CNNM2: variants seen among roughly 807,000 people sequenced by gnomAD.
CNNM2 encodes cyclin and CBS domain divalent metal cation transport mediator 2.
A neutral mutation model predicts 66.9 loss-of-function variants in CNNM2; 12 were observed. The observed-to-expected ratio is 0.18, with a 90% CI of 0.11 to 0.29. The LOEUF (loss-of-function observed/expected upper bound fraction) is 0.29. CNNM2 is among the 10% of genes least tolerant of loss of function. The pLI, the probability that CNNM2 is intolerant of heterozygous loss-of-function variation, is 1.00. For missense variants in CNNM2, 705 were observed against 1,167.7 expected, an observed-to-expected ratio of 0.60 and a Z score of 5.77; for synonymous variants, 557 against 501.8, an observed-to-expected ratio of 1.11 and a Z score of -1.47.
intron 1 of CNNM2, among the ~76,000 whole-genome samples, chr10:102,937,810 A>G (rs1846293887): frequency 6.6e-6 from 1 of 150,740 alleles, no homozygotes; most frequent in Admixed American, 6.6e-5. Flanking sequence ...TTTTTGGTAG[A>G]GACAGGCTCT....
At chr10:103,004,695 G>A (rs1161508059) in intron 1 of CNNM2, among the ~76,000 whole-genome samples, 1 of 152,222 alleles carries the variant, frequency 6.6e-6, no homozygotes. Context: ...CAAAGTTACT[G>A]TCTCAGTTTA....
At chr10:103,070,431 A>C (rs974936100) in intron 5 of CNNM2, among the ~76,000 whole-genome samples, 10 of 152,304 alleles carry the variant, frequency 6.6e-5, no homozygotes, top group African/African-American at 2.4e-4. Context: ...GTCCCCTTGA[A>C]AGCATGAGGG....
intron 1 of CNNM2, among the ~76,000 whole-genome samples, chr10:102,964,509 A>G (rs921256061): frequency 6.6e-6 from 1 of 152,176 alleles, no homozygotes; most frequent in Non-Finnish European, 1.5e-5. Context: ...GGTCACACTC[A>G]TGAGCCACTG....
chr10:102,968,095 T>G (rs114628031), intron 1 of CNNM2, among the ~76,000 whole-genome samples: 134 of 148,274 alleles, frequency 9.0e-4, no homozygotes, highest in African/African-American at 3.2e-3. Context: ...AGAGTGAAGT[T>G]TCTGGGTCAT....
chr10:102,951,655 T>A (rs896831865), intron 1 of CNNM2, among the ~76,000 whole-genome samples: 1 of 151,276 alleles, frequency 6.6e-6, no homozygotes, highest in Non-Finnish European at 1.5e-5. Context: ...TTTTTTTTTT[T>A]ACAGACAAGG....
At chr10:102,938,106 C>G in intron 1 of CNNM2, among the ~76,000 whole-genome samples, 1 of 151,554 alleles carries the variant, frequency 6.6e-6, no homozygotes, top group South Asian at 2.1e-4. Flanking sequence ...TGAGACCAGC[C>G]TGGGCAACAT....
intron 1 of CNNM2, among the ~76,000 whole-genome samples, chr10:102,997,578 T>C (rs1250683085): frequency 6.6e-6 from 1 of 152,134 alleles, no homozygotes; most frequent in African/African-American, 2.4e-5. Flanking sequence ...GTCTAAAATG[T>C]GGAAGTCACA....
intron 1 of CNNM2, among the ~76,000 whole-genome samples, chr10:103,010,861 C>T (rs566520258): frequency 3.9e-5 from 6 of 152,168 alleles, no homozygotes; most frequent in Non-Finnish European, 8.8e-5. Context: ...GATCCACTCC[C>T]CCCAGCCTCC....
chr10:102,960,498 A>G (rs765434805), intron 1 of CNNM2, among the ~76,000 whole-genome samples: 5 of 152,188 alleles, frequency 3.3e-5, no homozygotes, highest in Admixed American at 6.6e-5. Flanking sequence ...ACATTTTGAC[A>G]TATCTTTTTT....
intron 1 of CNNM2, among the ~76,000 whole-genome samples, chr10:102,964,502 C>G (rs1203872153): frequency 2.0e-5 from 3 of 152,142 alleles, no homozygotes; most frequent in African/African-American, 7.2e-5. Context: ...GAGCTGGGGT[C>G]ACACTCATGA....
chr10:103,054,941 G>T lies in CNNM2; in HGVS notation c.1903+475G>T, dbSNP rs961457091. Among the ~76,000 whole-genome samples the T allele has an allele frequency of 3.3e-5, 5 of 152,196 alleles. No individual in the cohort carries two copies. Among genetic ancestry groups the T allele is most frequent in the Non-Finnish European group, 7.3e-5 (5 of 68,040 alleles). Reference sequence around the variant, plus strand: ...TAACACAGGGGCTGTGATTTGCAAAGAAGAAAACTAGGTTTTCACAATTAA... The same window carrying T: ...TAACACAGGGGCTGTGATTTGCAAATAAGAAAACTAGGTTTTCACAATTAA... On this transcript the variant is annotated intron_variant, in intron 3 of 7. Coordinates refer to ENST00000369878, the MANE Select transcript of CNNM2 (RefSeq NM_017649.5). This position sits in a 1 kb window ranked among gnomAD's most constrained non-coding sequence, Gnocchi z 5.2.
rs1003754542 is a variant in CNNM2, at chr10:103,079,088, G to A, written c.*1908G>A. On this transcript the variant is annotated 3_prime_UTR_variant, in exon 8 of 8. Coordinates refer to ENST00000369878, the MANE Select transcript of CNNM2 (RefSeq NM_017649.5). ...TACTGGCACGCAACCTGCCCCCGTG[G>A]GATGAAGCCCCACCGCGTAGCTTGA... 1.3e-5 allele frequency: 2 copies of A among 152,220 alleles called. No homozygotes were observed. Among genetic ancestry groups the A allele is most frequent in the Non-Finnish European group, 2.9e-5 (2 of 68,086 alleles). 9.4% of individuals were successfully genotyped at this position (152,220 alleles called of 1,614,324 possible).
chr10:103,071,954 T>C, intron 6 of CNNM2, 115 bp downstream of exon 6: 1 of 911,436 alleles, frequency 1.1e-6, no homozygotes, highest in East Asian at 2.4e-5. Context: ...CAGTGTTCCT[T>C]GGAGCGCTAA....
chr10:103,086,158 G>C lies in CNNM2; in HGVS notation c.*8978G>C, dbSNP rs1282431926. 2 of 152,152 alleles carry C rather than the reference G, an allele frequency of 1.3e-5. No individual in the cohort carries two copies. Among genetic ancestry groups the C allele is most frequent in the Non-Finnish European group, 2.9e-5 (2 of 68,022 alleles). 9.4% of individuals were successfully genotyped at this position (152,152 alleles called of 1,614,324 possible). A position where few individuals can be genotyped will look rare whatever the true frequency, so the allele number is the denominator to read the frequency against. On this transcript the variant is annotated 3_prime_UTR_variant, in exon 8 of 8. Coordinates refer to ENST00000369878, the MANE Select transcript of CNNM2 (RefSeq NM_017649.5). ...TTCTTCTATCTGCAGGGTTGCTCTGGTAGCTCCATGGTAGAGATTTCACTC... is the reference window on the plus strand; with the variant it reads ...TTCTTCTATCTGCAGGGTTGCTCTGCTAGCTCCATGGTAGAGATTTCACTC...
At chr10:103,066,919 G>A (rs2065488061) in intron 4 of CNNM2, among the ~76,000 whole-genome samples, 1 of 152,150 alleles carries the variant, frequency 6.6e-6, no homozygotes, top group South Asian at 2.1e-4. Context: ...TATATCATGG[G>A]TGGAGTTGTA....
rs1845540171 is a variant in CNNM2 at position 102,919,271 on chromosome 10, T to A, written c.791T>A (p.Leu264Gln). 6.2e-7 allele frequency: 1 copy of A among 1,613,776 alleles called. No homozygotes were observed. The highest frequency in any genetic ancestry group is 8.5e-7 in the Non-Finnish European group (1 of 1,180,056). The change falls in exon 1 of 8, where the codon CTG becomes CAG. Residue 264 changes from leucine (L) to glutamine (Q), a missense_variant. Physicochemically the swap from Leu to Gln is moderately radical, Grantham distance 113. This residue lies in a region of CNNM2 where 49 missense variants were observed against 183.7 expected (regional missense o/e 0.27). Coordinates refer to ENST00000369878, the MANE Select transcript of CNNM2 (RefSeq NM_017649.5). ...PFWLQVIFISLLLCLSGMFSG... is the reference protein window; with the variant it reads ...PFWLQVIFISQLLCLSGMFSG... ...TGGCTGCAGGTGATCTTCATTTCGC[T>A]GCTGCTGTGCCTGTCGGGCATGTTC...
intron 1 of CNNM2, among the ~76,000 whole-genome samples, chr10:103,031,153 G>A (rs1205745898): frequency 2.6e-5 from 4 of 152,174 alleles, no homozygotes; most frequent in African/African-American, 4.8e-5. Flanking sequence ...GCTCAGATGT[G>A]TGGGCTGCTT....
rs1017802688 is a variant in CNNM2 at position 103,082,497 on chromosome 10, T to C, written c.*5317T>C. The C allele has an allele frequency of 3.3e-5, 5 of 152,226 alleles. No homozygotes were observed. The highest frequency in any genetic ancestry group is 6.5e-5 in the Admixed American group (1 of 15,282). 9.4% of individuals were successfully genotyped at this position (152,226 alleles called of 1,614,324 possible). A position where few individuals can be genotyped will look rare whatever the true frequency, so the allele number is the denominator to read the frequency against. On this transcript the variant is annotated 3_prime_UTR_variant, in exon 8 of 8. Coordinates refer to ENST00000369878, the MANE Select transcript of CNNM2 (RefSeq NM_017649.5). The stretch of plus-strand genomic sequence containing the variant: ...GAAGGTGAAGTTATCAATTTTTTCT[T>C]GTTTGAGTCCTTTAAACCCACAAAT...
Position 102,918,886 on chromosome 10 carries a change from G to T in CNNM2, c.406G>T (p.Gly136Trp). 1 of 1,609,226 alleles carries T rather than the reference G, an allele frequency of 6.2e-7. No homozygotes were observed. The highest frequency in any genetic ancestry group is 1.1e-5 in the South Asian group (1 of 90,828). ...RRHSPGERGL[G>W]GPAPPEPDSG... ...CCACAGCCCGGGGGAGCGCGGGCTG[G>T]GGGGCCCCGCGCCGCCAGAGCCGGA... Residue 136 changes from glycine to tryptophan, a missense_variant, in exon 1 of 8, where the codon GGG becomes TGG. Transcript: ENST00000369878. This position sits in a 1 kb window ranked among gnomAD's most constrained non-coding sequence, Gnocchi z 4.1.
Sources: allele counts gnomAD v4.1 joint callset (sites outside exome capture counted in the v4.1 genomes callset), GRCh38; gene constraint gnomAD v4.1.1; regional missense constraint gnomAD v4.1.1; non-coding constraint Gnocchi (gnomAD v3.1); transcripts MANE v1.5; gene names NCBI Gene and HGNC (gene_info 2026-07-23, HGNC 2026-07-21).